Variants in PRKCH observed in about 807,000 individuals in gnomAD.
PRKCH encodes the protein protein kinase C eta type.
PRKCH carries 28 observed loss-of-function variants against 82.5 expected under a neutral mutation model. The observed-to-expected ratio is 0.34, with a 90% CI of 0.25 to 0.47. PRKCH has a LOEUF of 0.47. PRKCH is among the 20% of genes least tolerant of loss of function. PRKCH has a pLI of 1.00. For missense variants in PRKCH, 705 were observed against 881.8 expected (o/e 0.80, Z 2.54); for synonymous variants, 322 against 327.4 (o/e 0.98, Z 0.18).
At chr14:61,419,276 G>A (rs759068034) in intron 2 of PRKCH, among the ~76,000 whole-genome samples, 6 of 152,164 alleles carry the variant, frequency 3.9e-5, no homozygotes, top group Non-Finnish European at 8.8e-5. Flanking sequence ...GTGTCCTAGA[G>A]CAGAAGTTTT....
chr14:61,387,075 G>A (rs1423093399), intron 1 of PRKCH, among the ~76,000 whole-genome samples: 1 of 152,246 alleles, frequency 6.6e-6, no homozygotes, highest in Admixed American at 6.5e-5. Context: ...CAACACAGGT[G>A]CCGGACACTC....
At chr14:61,372,599 A>T (rs1276924513) in intron 1 of PRKCH, among the ~76,000 whole-genome samples, 1 of 152,052 alleles carries the variant, frequency 6.6e-6, no homozygotes, top group Non-Finnish European at 1.5e-5. Context: ...TTCAGTGGTT[A>T]TGTGAAATTC....
chr14:61,332,636 C>T (rs1357336345), intron 1 of PRKCH, among the ~76,000 whole-genome samples: 3 of 152,186 alleles, frequency 2.0e-5, no homozygotes, highest in African/African-American at 7.2e-5. Flanking sequence ...AACATGATCC[C>T]TGTCATAATT....
At chr14:61,313,498 C>T (rs1224994054) in intron 1 of PRKCH, among the ~76,000 whole-genome samples, 1 of 152,146 alleles carries the variant, frequency 6.6e-6, no homozygotes. Flanking sequence ...TGCTCTGTTG[C>T]CCAGGCTGGA....
Position 61,378,206 on chromosome 14 carries a change from T to TTTTTTC in PRKCH, c.364-13001_364-12996dup, listed in dbSNP as rs1315504062. On this transcript the variant is annotated intron_variant, in intron 1 of 13. Coordinates refer to ENST00000332981, the MANE Select transcript of PRKCH (RefSeq NM_006255.5). ...GTGATTGCTCCTCTCCTAGGGCTTT[T>TTTTTTC]TTTTTCTTTTTCTTTTTCTTTTTTT... Among the ~76,000 whole-genome samples, 176 of 149,128 alleles carry TTTTTTC rather than the reference T, an allele frequency of 1.2e-3. 1 individual carries two copies. Among genetic ancestry groups the TTTTTTC allele is most frequent in the Non-Finnish European group, 1.2e-3 (84 of 67,740 alleles).
intron 1 of PRKCH, among the ~76,000 whole-genome samples, chr14:61,349,765 G>A (rs1240146872): frequency 6.6e-6 from 1 of 152,150 alleles, no homozygotes; most frequent in Non-Finnish European, 1.5e-5. Flanking sequence ...GGAGGCTGAG[G>A]CAGGATAATT....
chr14:61,529,714 A>G (rs1317973917), intron 11 of PRKCH, among the ~76,000 whole-genome samples: 3 of 122,570 alleles, frequency 2.4e-5, no homozygotes, highest in Non-Finnish European at 4.9e-5. Flanking sequence ...ATGAGATCAC[A>G]TGGACACAGG....
chr14:61,203,341 C>T lies in PRKCH; in HGVS notation c.-19+15673C>T, dbSNP rs1012311108. On this transcript the variant is annotated intron_variant, in intron 1 of 3. Coordinates refer to the PRKCH transcript ENST00000555185. ...AGGGAAGGGGTGGGGGACGTTAGGTCCCCAGTGGTCTGCGAAAGAGGTGCC... is the reference window on the plus strand; with the variant it reads ...AGGGAAGGGGTGGGGGACGTTAGGTTCCCAGTGGTCTGCGAAAGAGGTGCC... Among the ~76,000 whole-genome samples, 3 of 152,074 alleles carry T rather than the reference C, an allele frequency of 2.0e-5. 1 individual carries two copies. Among genetic ancestry groups the T allele is most frequent in the African/African-American group, 7.2e-5 (3 of 41,408 alleles).
intron 1 of PRKCH, among the ~76,000 whole-genome samples, chr14:61,363,873 A>G (rs1164383615): frequency 6.6e-6 from 1 of 151,662 alleles, no homozygotes; most frequent in Non-Finnish European, 1.5e-5. Flanking sequence ...GTGGTGTCAC[A>G]GAAGCTGGGG....
intron 9 of PRKCH, among the ~76,000 whole-genome samples, chr14:61,472,165 C>T (rs1440832296): frequency 6.6e-6 from 1 of 152,128 alleles, no homozygotes; most frequent in Non-Finnish European, 1.5e-5. Flanking sequence ...AACAGTGAAG[C>T]CTGCTGCTCG....
upstream of PRKCH, among the ~76,000 whole-genome samples, chr14:61,320,771 C>G (rs1266120113): frequency 6.6e-6 from 1 of 152,160 alleles, no homozygotes; most frequent in Non-Finnish European, 1.5e-5. Flanking sequence ...AGAAGGCTGC[C>G]CACTCTGACT....
At position 61,280,326 on chromosome 14, in the gene PRKCH, G is replaced by A; in HGVS notation, c.-19+92658G>A. 1.2e-6 allele frequency: 2 copies of A among 1,613,922 alleles called. No individual in the cohort carries two copies. Among genetic ancestry groups the A allele is most frequent in the East Asian group, 2.2e-5 (1 of 44,878 alleles). On this transcript the variant is annotated intron_variant, in intron 1 of 3. Coordinates refer to the PRKCH transcript ENST00000555185. This position sits in a 1 kb window ranked among gnomAD's most constrained non-coding sequence, Gnocchi z 5.0. The stretch of plus-strand genomic sequence containing the variant: ...AGGCGCCCCGCGGCAGCCCGGCCGA[G>A]TAGTTGCCCTGGCGGATGCGCGCGT...
chr14:61,281,676 G>A (rs1360223863), intron 1 of PRKCH: 1 of 167,104 alleles, frequency 6.0e-6, no homozygotes, highest in Non-Finnish European at 1.5e-5. Context: ...TTGCACCGTG[G>A]TCCTGGAGGC....
chr14:61,450,225 C>T (rs1233312032), intron 5 of PRKCH, among the ~76,000 whole-genome samples: 1 of 152,134 alleles, frequency 6.6e-6, no homozygotes, highest in African/African-American at 2.4e-5. Flanking sequence ...GTTATAGCAT[C>T]AAATTGTGGT....
intron 1 of PRKCH, among the ~76,000 whole-genome samples, chr14:61,290,631 A>G (rs1461856400): frequency 6.6e-6 from 1 of 152,242 alleles, no homozygotes; most frequent in African/African-American, 2.4e-5. Flanking sequence ...TAAGAAAGAC[A>G]GGGTTTGAAC....
chr14:61,227,709 C>T (rs8016259), intron 1 of PRKCH, among the ~76,000 whole-genome samples: 26,439 of 151,896 alleles, frequency 0.17, 2,701 homozygotes, highest in Admixed American at 0.27. Flanking sequence ...CAAAAGTAAT[C>T]GCGGTTTTTG....
chr14:61,445,083 T>C (rs1884158224), intron 3 of PRKCH, among the ~76,000 whole-genome samples: 1 of 152,248 alleles, frequency 6.6e-6, no homozygotes, highest in Admixed American at 6.5e-5. Flanking sequence ...GCTTAGTTAC[T>C]GTGGTCTTTG....
intron 1 of PRKCH, among the ~76,000 whole-genome samples, chr14:61,219,489 C>G (rs367925766): frequency 1.3e-5 from 2 of 152,122 alleles, no homozygotes; most frequent in African/African-American, 2.4e-5. Context: ...CTCTTTAATA[C>G]CAGTTTTCTG....
chr14:61,239,918 A>C (rs1345127927), intron 1 of PRKCH, among the ~76,000 whole-genome samples: 1 of 152,190 alleles, frequency 6.6e-6, no homozygotes, highest in Non-Finnish European at 1.5e-5. Context: ...CATTTTAGCT[A>C]TTACAGATAG....
Sources: allele counts gnomAD v4.1 joint callset (sites outside exome capture counted in the v4.1 genomes callset), GRCh38; gene constraint gnomAD v4.1.1; non-coding constraint Gnocchi (gnomAD v3.1); transcripts MANE v1.5; gene names NCBI Gene and HGNC (gene_info 2026-07-23, HGNC 2026-07-21).